Variants in SUPT3H observed in about 807,000 individuals in gnomAD.
SUPT3H encodes the protein transcription initiation protein SPT3 homolog.
Under a neutral mutation model 44.3 loss-of-function variants are expected in SUPT3H, and 44 were observed. The ratio of observed to expected loss-of-function variants is 0.99; its 90% CI spans 0.78 to 1.28. The LOEUF (loss-of-function observed/expected upper bound fraction) is 1.28, where lower values mean the gene tolerates loss of function less well. Among genes scored for constraint, SUPT3H ranks in the 50% most tolerant of loss-of-function variants. The probability of loss-of-function intolerance (pLI) is 0.00; values close to 1 mark genes in which losing one functional copy is unlikely to be tolerated. For missense variants in SUPT3H, 380 were observed against 387.1 expected, an observed-to-expected ratio of 0.98 and a Z score of 0.15; for synonymous variants, 124 against 125.6, an observed-to-expected ratio of 0.99 and a Z score of 0.09.
chr6:45,161,794 G>A (rs1006621853), intron 2 of SUPT3H, among the ~76,000 whole-genome samples: 3 of 152,096 alleles, frequency 2.0e-5, no homozygotes, highest in Admixed American at 6.6e-5. Flanking sequence ...CATCACACAA[G>A]TAGACATTTT....
chr6:44,945,735 C>T (rs991550643), intron 9 of SUPT3H, among the ~76,000 whole-genome samples: 6 of 152,102 alleles, frequency 3.9e-5, no homozygotes, highest in African/African-American at 1.2e-4. Context: ...AGGAAAGAAG[C>T]CATCTCTATA....
At chr6:45,310,511 C>A (rs1168026458) in intron 2 of SUPT3H, among the ~76,000 whole-genome samples, 1 of 152,134 alleles carries the variant, frequency 6.6e-6, no homozygotes, top group Non-Finnish European at 1.5e-5. Context: ...AAGCTAAGAA[C>A]CCTCACAGAG....
intron 2 of SUPT3H, among the ~76,000 whole-genome samples, chr6:45,122,726 T>C (rs527489065): frequency 6.6e-6 from 1 of 152,318 alleles, no homozygotes; most frequent in Admixed American, 6.5e-5. Context: ...AGAGAATTCA[T>C]ATTAGAAGAT....
intron 6 of SUPT3H, among the ~76,000 whole-genome samples, chr6:44,967,770 T>A (rs1776973441): frequency 6.6e-6 from 1 of 152,268 alleles, no homozygotes; most frequent in East Asian, 1.9e-4. Flanking sequence ...GAGTATCTGC[T>A]CTCACTTCTA....
intron 1 of SUPT3H, among the ~76,000 whole-genome samples, chr6:45,373,465 A>G (rs1796362973): frequency 6.7e-6 from 1 of 149,950 alleles, no homozygotes; most frequent in Admixed American, 6.6e-5. Context: ...CTCCCTTAGC[A>G]GTAGTATGGG....
At chr6:44,963,567 G>T (rs549175419) in intron 6 of SUPT3H, among the ~76,000 whole-genome samples, 6 of 152,110 alleles carry the variant, frequency 3.9e-5, no homozygotes, top group African/African-American at 1.2e-4. Flanking sequence ...TATTTACTTG[G>T]AAGTATTTTT....
chr6:45,368,422 G>A lies in SUPT3H; in HGVS notation c.1-3121C>T, dbSNP rs150318952. 2.6e-3 allele frequency among the ~76,000 whole-genome samples: 389 copies of A among 152,140 alleles called. 3 individuals carry two copies. Among genetic ancestry groups the A allele is most frequent in the African/African-American group, 8.6e-3 (355 of 41,510 alleles). Reference sequence around the variant, plus strand: ...ATTTAAGGATGCACGCCTTTCCTCAGAAAATATTGCTATCAAAAAAAAAGT... The same window carrying A: ...ATTTAAGGATGCACGCCTTTCCTCAAAAAATATTGCTATCAAAAAAAAAGT... On this transcript the variant is annotated intron_variant, in intron 1 of 10. Coordinates refer to ENST00000371459, the MANE Select transcript of SUPT3H (RefSeq NM_003599.4).
intron 10 of SUPT3H, among the ~76,000 whole-genome samples, chr6:44,929,884 T>TA (rs915892818): frequency 1.1e-4 from 16 of 152,182 alleles, no homozygotes; most frequent in African/African-American, 3.9e-4. Context: ...TTTTTAACTT[T>TA]AAAAGGAAGA....
At chr6:44,976,789 T>C (rs180770084) in intron 6 of SUPT3H, among the ~76,000 whole-genome samples, 1 of 152,314 alleles carries the variant, frequency 6.6e-6, no homozygotes, top group East Asian at 1.9e-4. Flanking sequence ...CAGGGACTTT[T>C]CTCTTGAAGA....
chr6:45,014,865 G>T lies in SUPT3H; in HGVS notation c.300C>A (p.Tyr100Ter), dbSNP rs1185339318. 6.3e-7 allele frequency: 1 copy of T among 1,586,486 alleles called. No individual in the cohort carries two copies. Among genetic ancestry groups the T allele is most frequent in the Non-Finnish European group, 8.6e-7 (1 of 1,168,292 alleles). Residue 100 changes from tyrosine to a stop codon, truncating the protein, a stop_gained, in exon 5 of 11, where the codon TAC becomes TAA. Transcript: ENST00000371459. LOFTEE classifies it high-confidence loss of function. ...TTGATTTGTAGTCTCGGATAAACAT[G>T]TATTTTAGCAGTCTTCTAAGTTTTT... Reference protein sequence around the residue: ...DKKKLRRLLKYMFIRDYKSKI... With the variant: ...DKKKLRRLLK
intron 4 of SUPT3H, among the ~76,000 whole-genome samples, chr6:45,020,030 T>C (rs1562275766): frequency 1.3e-5 from 2 of 151,824 alleles, no homozygotes; most frequent in East Asian, 1.9e-4. Flanking sequence ...GTAAGAAAGG[T>C]AGGCCTTTGT....
At chr6:45,004,519 ATTTC>A (rs1017612515) in intron 5 of SUPT3H, among the ~76,000 whole-genome samples, 1 of 151,884 alleles carries the variant, frequency 6.6e-6, no homozygotes, top group Non-Finnish European at 1.5e-5. Context: ...CATTTTTATC[ATTTC>A]TTTTAAATTT....
intron 10 of SUPT3H, among the ~76,000 whole-genome samples, chr6:44,927,309 C>G (rs1423251850): frequency 1.3e-5 from 2 of 152,048 alleles, no homozygotes; most frequent in Non-Finnish European, 2.9e-5. Context: ...CAGTAGTTAT[C>G]TCTAGGATGT....
Position 45,289,029 on chromosome 6 carries a change from G to A in SUPT3H, c.101+76172C>T, listed in dbSNP as rs77695163. ...GCTATTTCTCTCTACTCTCAGCATC[G>A]GGCCAGGATTAGTAACACATTTCTT... On this transcript the variant is annotated intron_variant, in intron 2 of 10. Transcript: ENST00000371459. Among the ~76,000 whole-genome samples the A allele has an allele frequency of 3.3e-3, 501 of 151,948 alleles. 4 individuals carry two copies. Among genetic ancestry groups the A allele is most frequent in the African/African-American group, 9.0e-3 (374 of 41,470 alleles).
intron 2 of SUPT3H, among the ~76,000 whole-genome samples, chr6:45,108,058 T>C (rs1324532): frequency 0.64 from 97,618 of 152,116 alleles, 32,057 homozygotes; most frequent in African/African-American, 0.79. Context: ...TCACAGCTAC[T>C]ATCCAACTTA....
intron 2 of SUPT3H, among the ~76,000 whole-genome samples, chr6:45,225,021 G>A (rs1766697902): frequency 6.6e-6 from 1 of 152,050 alleles, no homozygotes. Context: ...ACTCACACCT[G>A]TAATCCCAGT....
intron 10 of SUPT3H, among the ~76,000 whole-genome samples, chr6:44,878,752 C>G (rs1015778447): frequency 1.3e-5 from 2 of 152,056 alleles, no homozygotes; most frequent in African/African-American, 4.8e-5. Context: ...ACTGGTTAGA[C>G]AGTGGGTGCA....
chr6:45,151,137 T>C (rs926713910), intron 2 of SUPT3H, among the ~76,000 whole-genome samples: 1 of 152,196 alleles, frequency 6.6e-6, no homozygotes, highest in Non-Finnish European at 1.5e-5. Flanking sequence ...CTATAGCCTT[T>C]ATGGCTATTT....
Position 45,001,156 on chromosome 6 carries a change from A to G in SUPT3H, c.504+2497T>C, listed in dbSNP as rs540092718. Among the ~76,000 whole-genome samples the G allele has an allele frequency of 3.9e-5, 6 of 152,158 alleles. No individual in the cohort carries two copies. In the South Asian group the frequency reaches 1.2e-3, roughly 32 times the overall value. On this transcript the variant is annotated intron_variant, in intron 6 of 10. Coordinates refer to ENST00000371459, the MANE Select transcript of SUPT3H (RefSeq NM_003599.4). ...AAAAAATTAGAATGAAAGAAACATT[A>G]GCTACACTTAGACACACCTGCCTTA...
Sources: gnomAD v4.1 joint callset for allele counts (sites outside exome capture counted in the v4.1 genomes callset) on GRCh38, gnomAD v4.1.1 for gene constraint, MANE v1.5 for transcripts, NCBI Gene and HGNC (gene_info 2026-07-23, HGNC 2026-07-21) for gene names.